The following SPAG1 variants were observed in gnomAD, a reference collection of about 807,000 sequenced individuals.
The protein encoded by SPAG1 is sperm-associated antigen 1.
In SPAG1, 69 loss-of-function variants were observed where a neutral mutation model predicts 100.5. The ratio of observed to expected loss-of-function variants is 0.69; its 90% CI spans 0.57 to 0.84. The LOEUF is 0.84. Ranked by LOEUF, SPAG1 falls within the 40% of genes least tolerant of loss-of-function variation. The probability of loss-of-function intolerance (pLI) is 0.00; values close to 1 mark genes in which losing one functional copy is unlikely to be tolerated. For synonymous variants in SPAG1, 336 were observed against 411.6 expected, an observed-to-expected ratio of 0.82 and a Z score of 2.22; for missense variants, 955 against 1,133.1, an observed-to-expected ratio of 0.84 and a Z score of 2.26.
At chr8:100,230,691 T>C (rs1818727742) in intron 14 of SPAG1, among the ~76,000 whole-genome samples, 2 of 152,320 alleles carry the variant, frequency 1.3e-5, no homozygotes, top group East Asian at 3.9e-4. Flanking sequence ...CGGCATGATC[T>C]TGGCTCACCA....
rs902317936 is a variant in SPAG1 at position 100,216,941 on chromosome 8, T to G, written c.1535+3023T>G. On this transcript the variant is annotated intron_variant, in intron 12 of 18. Coordinates refer to ENST00000388798, the MANE Select transcript of SPAG1 (RefSeq NM_003114.5). ...AGAGTTCCATGAGTTCTTTTTTTTT[T>G]TTTTTTTTTTTTTGAGACTGAGTCT... Among the ~76,000 whole-genome samples the G allele has an allele frequency of 2.1e-5, 3 of 142,340 alleles. 1 individual carries two copies. Among genetic ancestry groups the G allele is most frequent in the Admixed American group, 1.4e-4 (2 of 14,352 alleles). The allele number at this position is 142,340 out of a possible 152,430, so 93.4% of individuals were successfully genotyped here.
intron 13 of SPAG1, among the ~76,000 whole-genome samples, chr8:100,220,721 CAT>C (rs1818234330): frequency 6.6e-6 from 1 of 152,094 alleles, no homozygotes; most frequent in South Asian, 2.1e-4. Context: ...GGATATAACT[CAT>C]ATGTGCTGCT....
chr8:100,165,129 A>G (rs1815490611), intron 2 of SPAG1: 1 of 378,798 alleles, frequency 2.6e-6, no homozygotes, highest in African/African-American at 2.1e-5. Flanking sequence ...TGGTGTTTTC[A>G]TAGTGTGTTA....
At chr8:100,191,526 T>G in intron 9 of SPAG1, 30 bp downstream of exon 9, 1 of 1,414,242 alleles carries the variant, frequency 7.1e-7, no homozygotes, top group Non-Finnish European at 1.0e-6. Context: ...TCTCACCTAA[T>G]TCTGTAGTTG....
At position 100,186,270 on chromosome 8, in the gene SPAG1, G is replaced by A. The variant is rs562583941; in HGVS notation, c.702-850G>A. Among the ~76,000 whole-genome samples, 3 of 151,780 alleles carry A rather than the reference G, an allele frequency of 2.0e-5. No homozygotes were observed. The South Asian group carries it at 6.2e-4, about 32-fold the overall frequency. On this transcript the variant is annotated intron_variant, in intron 7 of 18. Coordinates refer to ENST00000388798, the MANE Select transcript of SPAG1 (RefSeq NM_003114.5). The stretch of plus-strand genomic sequence containing the variant: ...GTTTTTTGTAGAGACAGGCTCTCAT[G>A]ATGTTGCCCAGGCTGGTCTCGAACC...
intron 10 of SPAG1, among the ~76,000 whole-genome samples, chr8:100,211,010 G>A (rs915876146): frequency 1.3e-5 from 2 of 151,890 alleles, no homozygotes; most frequent in African/African-American, 4.8e-5. Context: ...TGTATTTTTA[G>A]TAGAGACAGG....
chr8:100,220,514 A>G (rs891709312), intron 13 of SPAG1, 83 bp downstream of exon 13: 7 of 1,137,386 alleles, frequency 6.2e-6, no homozygotes, highest in South Asian at 1.5e-5. Flanking sequence ...ATGTCAAAAT[A>G]TAGATGTGTT....
At chr8:100,205,996 C>T (rs1219824088) in intron 10 of SPAG1, among the ~76,000 whole-genome samples, 19 of 120,294 alleles carry the variant, frequency 1.6e-4, no homozygotes, top group African/African-American at 2.6e-4. Context: ...TCCAGCCTGG[C>T]GACAGAGTGA....
chr8:100,187,141 T>G lies in SPAG1; in HGVS notation c.723T>G (p.Thr241=). The change falls in exon 8 of 19, where the codon ACT becomes ACG. Residue 241 remains threonine, a synonymous_variant. Transcript: ENST00000388798. ...CTAGGAGCATATCAGCGCTTCCCACTGTAGTTGCCTATAACAATCGAGCTC... is the reference window on the plus strand; with the variant it reads ...CTAGGAGCATATCAGCGCTTCCCACGGTAGTTGCCTATAACAATCGAGCTC... ...YYTRSISALP[T]VVAYNNRAQA... is the part of the protein sequence containing the mutation. 3 of 1,612,272 alleles carry G rather than the reference T, an allele frequency of 1.9e-6. No individual in the cohort carries two copies. The highest frequency in any genetic ancestry group is 2.5e-6 in the Non-Finnish European group (3 of 1,178,974).
chr8:100,172,345 C>T (rs949279240), intron 3 of SPAG1, among the ~76,000 whole-genome samples: 1 of 152,004 alleles, frequency 6.6e-6, no homozygotes, highest in Non-Finnish European at 1.5e-5. Flanking sequence ...GGGCTGGGCA[C>T]GAGTGGCTCA....
chr8:100,196,358 G>C (rs556713015), intron 10 of SPAG1, among the ~76,000 whole-genome samples: 1 of 152,300 alleles, frequency 6.6e-6, no homozygotes, highest in African/African-American at 2.4e-5. Context: ...GAGAGTTCTA[G>C]ATGCTTCTCG....
chr8:100,177,860 T>C lies in SPAG1; in HGVS notation c.345T>C (p.Phe115=). The C allele has an allele frequency of 1.3e-6, 2 of 1,586,358 alleles. No individual in the cohort carries two copies. The highest frequency in any genetic ancestry group is 1.7e-6 in the Non-Finnish European group (2 of 1,154,846). Residue 115 remains phenylalanine, a synonymous_variant, in exon 4 of 19, where the codon TTT becomes TTC. Transcript: ENST00000388798. ...EIKKEEDKMH[F]HETETFPAMK... ...AAAAAGAAGAAGATAAAATGCACTT[T>C]CATGAAACTGAGACATTTCCAGCAA...
At position 100,208,937 on chromosome 8, in the gene SPAG1, A is replaced by G. The variant is rs982463077; in HGVS notation, c.1097-4153A>G. The stretch of plus-strand genomic sequence containing the variant: ...TTGAAATGGTTAATACTGAGTGTCA[A>G]CTTGATTGGATTGAAGGATACAAAG... On this transcript the variant is annotated intron_variant, in intron 10 of 18. Transcript: ENST00000388798. Among the ~76,000 whole-genome samples the G allele has an allele frequency of 9.2e-5, 14 of 152,162 alleles. No individual in the cohort carries two copies. In the South Asian group the frequency reaches 1.0e-3, roughly 11 times the overall value.
chr8:100,192,853 T>A lies in SPAG1; in HGVS notation c.940-1259T>A, dbSNP rs376232162. ...AATCCTGCCATCTCAGCCTCCTGTG[T>A]AGCTGAGACCACAGGTGCACGCCAC... On this transcript the variant is annotated intron_variant, in intron 9 of 18. Transcript: ENST00000388798. Among the ~76,000 whole-genome samples, 27 of 152,268 alleles carry A rather than the reference T, an allele frequency of 1.8e-4. 1 individual carries two copies. Among genetic ancestry groups the A allele is most frequent in the African/African-American group, 6.5e-4 (27 of 41,554 alleles).
intron 14 of SPAG1, among the ~76,000 whole-genome samples, chr8:100,228,426 A>C (rs868665377): frequency 1.9e-4 from 29 of 151,404 alleles, no homozygotes; most frequent in Non-Finnish European, 3.4e-4. Context: ...AAAAAAAAAA[A>C]AATTGGCTGG....
At chr8:100,211,932 CTT>C (rs1817734550) in intron 10 of SPAG1, among the ~76,000 whole-genome samples, 1 of 152,220 alleles carries the variant, frequency 6.6e-6, no homozygotes, top group South Asian at 2.1e-4. Flanking sequence ...CCGACCCTGA[CTT>C]TTGTGCTTTC....
chr8:100,233,396 A>G lies in SPAG1; in HGVS notation c.1989-15A>G, dbSNP rs377729160. On this transcript the variant is annotated splice_polypyrimidine_tract_variant and intron_variant, in intron 15 of 18. Coordinates refer to ENST00000388798, the MANE Select transcript of SPAG1 (RefSeq NM_003114.5). ...TTTACCTTTCATAATACTGAGTTCC[A>G]TTGCATTATGCCAGAGCTCTCTGTT... is the stretch of plus-strand genomic sequence containing the variant. 46 of 1,613,184 alleles carry G rather than the reference A, an allele frequency of 2.9e-5. No individual in the cohort carries two copies. Among genetic ancestry groups the G allele is most frequent in the Admixed American group, 3.3e-5 (2 of 59,898 alleles).
chr8:100,175,916 G>A (rs887933633), intron 3 of SPAG1, among the ~76,000 whole-genome samples: 2 of 152,152 alleles, frequency 1.3e-5, no homozygotes, highest in African/African-American at 4.8e-5. Context: ...AGGGTTAACA[G>A]CTTTACAAAT....
intron 3 of SPAG1, among the ~76,000 whole-genome samples, chr8:100,174,505 A>G (rs1816020002): frequency 6.6e-6 from 1 of 152,180 alleles, no homozygotes; most frequent in African/African-American, 2.4e-5. Context: ...AACTTTATAG[A>G]AATCAATCAT....
Sources: allele counts gnomAD v4.1 joint callset (sites outside exome capture counted in the v4.1 genomes callset), GRCh38; gene constraint gnomAD v4.1.1; transcripts MANE v1.5; gene names NCBI Gene and HGNC (gene_info 2026-07-23, HGNC 2026-07-21).